The following CYP7B1 variants were observed in gnomAD, a reference collection of about 807,000 sequenced individuals.
The protein encoded by CYP7B1 is cytochrome P450 7B1.
CYP7B1 carries 29 observed loss-of-function variants against 42.7 expected under a neutral mutation model. The ratio of observed to expected loss-of-function variants is 0.68; its 90% confidence interval spans 0.51 to 0.93. CYP7B1 has a LOEUF of 0.93. Ranked by LOEUF, CYP7B1 falls within the 40% of genes least tolerant of loss-of-function variation. The pLI, the probability that CYP7B1 is intolerant of heterozygous loss-of-function variation, is 0.00. For missense variants in CYP7B1, 655 were observed against 600.5 expected (o/e 1.09, Z -0.95); for synonymous variants, 235 against 218.2 (o/e 1.08, Z -0.68).
chr8:64,755,101 C>A (rs1807787593), intron 1 of CYP7B1, among the ~76,000 whole-genome samples: 2 of 152,130 alleles, frequency 1.3e-5, no homozygotes, highest in African/African-American at 4.8e-5. Flanking sequence ...AAGTTCATGG[C>A]AGACCTGAGA....
intron 1 of CYP7B1, among the ~76,000 whole-genome samples, chr8:64,626,912 G>T (rs1372711803): frequency 6.6e-6 from 1 of 152,140 alleles, no homozygotes; most frequent in Non-Finnish European, 1.5e-5. Flanking sequence ...ATCATACCCA[G>T]CATGGACTTT....
chr8:64,798,101 A>C (rs1804733976), intron 1 of CYP7B1, among the ~76,000 whole-genome samples: 1 of 152,192 alleles, frequency 6.6e-6, no homozygotes, highest in African/African-American at 2.4e-5. Flanking sequence ...TAACTGATGA[A>C]ATTTAAGAAT....
chr8:64,749,005 A>G (rs527566845), intron 1 of CYP7B1, among the ~76,000 whole-genome samples: 3 of 152,340 alleles, frequency 2.0e-5, no homozygotes, highest in Middle Eastern at 3.4e-3. Flanking sequence ...GAAAGGATTT[A>G]GATTTCATTC....
chr8:64,798,536 C>T lies in CYP7B1; in HGVS notation c.52G>A (p.Gly18Ser). 1.3e-6 allele frequency: 2 copies of T among 1,498,074 alleles called. No homozygotes were observed. The highest frequency in any genetic ancestry group is 1.8e-6 in the Non-Finnish European group (2 of 1,132,578). The allele number at this position is 1,498,074 out of a possible 1,614,324, so 92.8% of individuals were successfully genotyped here. A position where few individuals can be genotyped will look rare whatever the true frequency, so the allele number is the denominator to read the frequency against. ...ATGRFSLERL[G>S]LPGLALAAAL... The stretch of plus-strand genomic sequence containing the variant: ...GCGGCGAGGGCCAGGCCCGGGAGGC[C>T]CAACCGCTCCAGCGAAAAGCGGCCC... The change falls in exon 1 of 6, where the codon GGC becomes AGC. Residue 18 changes from glycine to serine, a missense_variant. Coordinates refer to ENST00000310193, the MANE Select transcript of CYP7B1 (RefSeq NM_004820.5).
At chr8:64,665,733 T>C (rs1806268951) in intron 1 of CYP7B1, among the ~76,000 whole-genome samples, 1 of 151,846 alleles carries the variant, frequency 6.6e-6, no homozygotes, top group African/African-American at 2.4e-5. Flanking sequence ...TGTGCCACCA[T>C]GCCTGGTTAA....
At chr8:64,597,602 G>T (rs1187981499) in intron 5 of CYP7B1, among the ~76,000 whole-genome samples, 1 of 152,184 alleles carries the variant, frequency 6.6e-6, no homozygotes, top group Non-Finnish European at 1.5e-5. Context: ...GGTGGCAGGT[G>T]TTTCTGAAAT....
chr8:64,768,601 C>T (rs930609348), intron 1 of CYP7B1, among the ~76,000 whole-genome samples: 1 of 152,174 alleles, frequency 6.6e-6, no homozygotes, highest in Non-Finnish European at 1.5e-5. Flanking sequence ...TCTCTGTGCA[C>T]ATGAAACTCT....
At position 64,596,666 on chromosome 8, in the gene CYP7B1, T is replaced by C. The variant is rs1585795681; in HGVS notation, c.1497A>G (p.Leu499=). The change falls in exon 6 of 6, where the codon TTA becomes TTG. Residue 499 remains leucine (L), a synonymous_variant. Transcript: ENST00000310193. ...TCTAAGATTTCACTTTGTATCTAAA[T>C]AAAACATCAGAATCTGGATACTGAA... ...FGIQYPDSDV[L]FRYKVKS is the part of the protein sequence containing the mutation. 8 of 1,613,268 alleles carry C rather than the reference T, an allele frequency of 5.0e-6. No homozygotes were observed. The East Asian group carries it at 1.6e-4, about 31-fold the overall frequency.
At chr8:64,795,037 G>A (rs1313345487) in intron 1 of CYP7B1, among the ~76,000 whole-genome samples, 2 of 151,350 alleles carry the variant, frequency 1.3e-5, no homozygotes, top group Admixed American at 6.6e-5. Flanking sequence ...CAATTACTTC[G>A]AAAAGTGTCA....
intron 4 of CYP7B1, among the ~76,000 whole-genome samples, chr8:64,606,078 A>C (rs1174479470): frequency 1.3e-5 from 2 of 152,224 alleles, no homozygotes; most frequent in African/African-American, 2.4e-5. Flanking sequence ...TTAAGCATGC[A>C]TTTGTCTAAA....
chr8:64,619,593 C>T (rs1189952360), intron 2 of CYP7B1, among the ~76,000 whole-genome samples: 1 of 152,156 alleles, frequency 6.6e-6, no homozygotes, highest in Non-Finnish European at 1.5e-5. Flanking sequence ...CCTTGCCAAT[C>T]ATTTCATTCT....
intron 1 of CYP7B1, among the ~76,000 whole-genome samples, chr8:64,643,993 G>A (rs1272895290): frequency 3.9e-5 from 6 of 152,240 alleles, no homozygotes; most frequent in Non-Finnish European, 4.4e-5. Context: ...TAAGAATGGC[G>A]GCCAGGCGCG....
At chr8:64,705,836 G>A (rs931531671) in intron 1 of CYP7B1, among the ~76,000 whole-genome samples, 3 of 151,800 alleles carry the variant, frequency 2.0e-5, no homozygotes, top group Admixed American at 1.3e-4. Flanking sequence ...CCTTTAGAGC[G>A]GCCATAACTG....
Position 64,604,840 on chromosome 8 carries a change from CT to C in CYP7B1, c.1074del (p.Ala359LeufsTer18), listed in dbSNP as rs1356135634. On this transcript the variant is annotated frameshift_variant, in exon 5 of 6. Coordinates refer to ENST00000310193, the MANE Select transcript of CYP7B1 (RefSeq NM_004820.5). LOFTEE classifies it high-confidence loss of function. ...SLICLESSIF[E>X]ALRLSSYSTT... Reference sequence around the variant, plus strand: ...GTTGAATATGAGGACAGTCGTAAAGCTTCAAAAATGCTGCTTTCTGAAGGAA... The same window carrying C: ...GTTGAATATGAGGACAGTCGTAAAGCTCAAAAATGCTGCTTTCTGAAGGAA... 1 of 1,613,872 alleles carries C rather than the reference CT, an allele frequency of 6.2e-7. No individual in the cohort carries two copies. The highest frequency in any genetic ancestry group is 2.2e-5 in the East Asian group (1 of 44,898).
At chr8:64,769,830 C>A (rs1804190752) in intron 1 of CYP7B1, among the ~76,000 whole-genome samples, 1 of 152,224 alleles carries the variant, frequency 6.6e-6, no homozygotes, top group African/African-American at 2.4e-5. Context: ...AGCATACACC[C>A]AAAAGTCTAT....
chr8:64,775,345 G>A (rs1439430868), intron 1 of CYP7B1, among the ~76,000 whole-genome samples: 1 of 152,078 alleles, frequency 6.6e-6, no homozygotes, highest in African/African-American at 2.4e-5. Context: ...AACTAAAGTG[G>A]AGCCAATGAG....
chr8:64,675,705 T>C (rs547584617), intron 1 of CYP7B1, among the ~76,000 whole-genome samples: 5 of 152,224 alleles, frequency 3.3e-5, no homozygotes, highest in Admixed American at 6.5e-5. Context: ...ACAAACGTGG[T>C]TGAAATGTGG....
At chr8:64,609,877 G>A (rs1268988239) in intron 4 of CYP7B1, among the ~76,000 whole-genome samples, 2 of 152,132 alleles carry the variant, frequency 1.3e-5, no homozygotes, top group East Asian at 1.9e-4. Context: ...AAACCTTTCA[G>A]TTAGAGGCTT....
intron 1 of CYP7B1, among the ~76,000 whole-genome samples, chr8:64,779,669 G>C (rs1451367383): frequency 6.6e-6 from 1 of 152,104 alleles, no homozygotes; most frequent in Non-Finnish European, 1.5e-5. Flanking sequence ...CTAAGATACA[G>C]CTAATAAAAA....
Sources: allele counts gnomAD v4.1 joint callset (sites outside exome capture counted in the v4.1 genomes callset), GRCh38; gene constraint gnomAD v4.1.1; transcripts MANE v1.5; gene names NCBI Gene and HGNC (gene_info 2026-07-23, HGNC 2026-07-21).